SRRM3: variants seen among roughly 807,000 people sequenced by gnomAD.
SRRM3 encodes serine/arginine repetitive matrix protein 3.
In SRRM3, 27 loss-of-function variants were observed where a neutral mutation model predicts 66.2. That is an observed-to-expected ratio of 0.41 (90% CI 0.30 to 0.56). The LOEUF is 0.56. Among genes scored for constraint, SRRM3 ranks in the 20% least tolerant of loss-of-function variants. The probability of loss-of-function intolerance (pLI) is 0.32; values close to 1 mark genes in which losing one functional copy is unlikely to be tolerated. For synonymous variants in SRRM3, 391 were observed against 414.9 expected (o/e 0.94, Z 0.70); for missense variants, 918 against 991.9 (o/e 0.93, Z 1.00).
At chr7:76,220,897 C>G (rs567955449) in intron 1 of SRRM3, among the ~76,000 whole-genome samples, 4 of 152,086 alleles carry the variant, frequency 2.6e-5, no homozygotes, top group South Asian at 2.1e-4. Context: ...TTCCCCTCCC[C>G]CCACCGCGTC....
intron 3 of SRRM3, among the ~76,000 whole-genome samples, chr7:76,248,759 G>A (rs375494934): frequency 6.6e-6 from 1 of 152,118 alleles, no homozygotes; most frequent in Non-Finnish European, 1.5e-5. Context: ...CAGGCAGATC[G>A]CTTGAGGTCA....
chr7:76,270,815 GA>G (rs58931153), intron 11 of SRRM3, among the ~76,000 whole-genome samples: 24,999 of 135,540 alleles, frequency 0.18, 3,203 homozygotes, highest in African/African-American at 0.38. Context: ...CTCCGTCTCG[GA>G]AAAAAAAAAA....
At chr7:76,252,096 T>C (rs1449839354) in intron 3 of SRRM3, among the ~76,000 whole-genome samples, 1 of 151,792 alleles carries the variant, frequency 6.6e-6, no homozygotes, top group African/African-American at 2.4e-5. Context: ...ACAAAAATAA[T>C]TGAAAAAGAA....
intron 3 of SRRM3, among the ~76,000 whole-genome samples, chr7:76,250,533 C>T (rs1583908829): frequency 6.6e-6 from 1 of 152,198 alleles, no homozygotes; most frequent in South Asian, 2.1e-4. Flanking sequence ...CACACCCAGT[C>T]TTAGTCATCG....
intron 2 of SRRM3, among the ~76,000 whole-genome samples, chr7:76,241,281 TCCAC>T (rs1801289291): frequency 6.6e-6 from 1 of 152,174 alleles, no homozygotes; most frequent in South Asian, 2.1e-4. Flanking sequence ...CTCTGCCACC[TCCAC>T]AGGGAGCAAG....
intron 11 of SRRM3, among the ~76,000 whole-genome samples, chr7:76,281,192 C>G (rs1444392769): frequency 6.6e-6 from 1 of 151,140 alleles, no homozygotes; most frequent in African/African-American, 2.4e-5. Flanking sequence ...CTCTCTCCCT[C>G]TCTCCTGTCT....
chr7:76,267,671 G>A, intron 11 of SRRM3: 1 of 394,386 alleles, frequency 2.5e-6, no homozygotes, highest in Non-Finnish European at 4.4e-6. Flanking sequence ...TGCGGTCTTG[G>A]GCCACCCTTG....
intron 3 of SRRM3, among the ~76,000 whole-genome samples, chr7:76,248,904 C>T (rs546519025): frequency 1.1e-4 from 17 of 152,144 alleles, no homozygotes; most frequent in African/African-American, 1.9e-4. Context: ...CGCTTGAACC[C>T]GGAAGGCAGA....
At position 76,265,441 on chromosome 7, in the gene SRRM3, A is replaced by T. The variant is rs531761259; in HGVS notation, c.803A>T (p.His268Leu). 2.5e-6 allele frequency: 4 copies of T among 1,604,442 alleles called. No homozygotes were observed. In the Admixed American group the frequency reaches 5.1e-5, roughly 20 times the overall value. The stretch of plus-strand genomic sequence containing the variant: ...TCCCACAGCCCCTCCCTCTCCTCCC[A>T]CTACAGTGATTCCAGATCTCCCAGC... ...GSSHSPSLSSHYSDSRSPSRL... is the reference protein window; with the variant it reads ...GSSHSPSLSSLYSDSRSPSRL... Residue 268 changes from histidine (H) to leucine (L), a missense_variant, in exon 10 of 15, where the codon CAC becomes CTC. Physicochemically the swap from His to Leu is moderately conservative, Grantham distance 99 (BLOSUM62 -3). Transcript: ENST00000611745.
At position 76,267,500 on chromosome 7, in the gene SRRM3, G is replaced by C. The variant is rs540937785; in HGVS notation, c.1008+65G>C. On this transcript the variant is annotated intron_variant, in intron 11 of 14. Transcript: ENST00000611745. The stretch of plus-strand genomic sequence containing the variant: ...GGCTGCGCCGTGCGTGGTCGGGCGG[G>C]TCGCCAGCGGGGCAGGGGGCGATAA... 8.2e-6 allele frequency: 10 copies of C among 1,218,632 alleles called. No homozygotes were observed. In the South Asian group the frequency reaches 2.7e-4, roughly 33 times the overall value. 75.5% of individuals were successfully genotyped at this position (1,218,632 alleles called of 1,614,324 possible). A position where few individuals can be genotyped will look rare whatever the true frequency, so the allele number is the denominator to read the frequency against.
chr7:76,203,702 A>G (rs1424784172), intron 1 of SRRM3, among the ~76,000 whole-genome samples: 1 of 152,156 alleles, frequency 6.6e-6, no homozygotes, highest in African/African-American at 2.4e-5. Flanking sequence ...GGAAGGCATC[A>G]TTGTCCCTAT....
chr7:76,250,622 C>T (rs1801557321), intron 3 of SRRM3, among the ~76,000 whole-genome samples: 1 of 152,150 alleles, frequency 6.6e-6, no homozygotes, highest in African/African-American at 2.4e-5. Context: ...TTCTGTATTG[C>T]TGGGTAGTGA....
intron 1 of SRRM3, among the ~76,000 whole-genome samples, chr7:76,217,155 G>T (rs1438413185): frequency 2.0e-5 from 3 of 152,170 alleles, no homozygotes; most frequent in African/African-American, 7.2e-5. Context: ...ATCCAATTTT[G>T]ATTCTTGTTA....
intron 1 of SRRM3, among the ~76,000 whole-genome samples, chr7:76,210,023 A>G (rs1299791442): frequency 6.6e-6 from 1 of 152,212 alleles, no homozygotes; most frequent in Admixed American, 6.5e-5. Context: ...TAGGAGGCAG[A>G]GAGGGAAAGG....
chr7:76,276,741 A>T (rs1554611203), intron 11 of SRRM3, among the ~76,000 whole-genome samples: 1 of 152,172 alleles, frequency 6.6e-6, no homozygotes, highest in Non-Finnish European at 1.5e-5. Flanking sequence ...TGGCAGGCGC[A>T]TGGTGACCCC....
intron 10 of SRRM3, 45 bp downstream of exon 10, chr7:76,265,513 G>C (rs1554609418): frequency 6.0e-6 from 9 of 1,511,336 alleles, no homozygotes; most frequent in Non-Finnish European, 7.3e-6. Context: ...GGGGGATGAG[G>C]GTTGCAGATT....
At chr7:76,267,564 C>G in intron 11 of SRRM3, 129 bp downstream of exon 11, 1 of 742,084 alleles carries the variant, frequency 1.3e-6, no homozygotes, top group Admixed American at 4.5e-5. Context: ...GCCGCTTCCT[C>G]CCTCCTCGGC....
chr7:76,213,645 A>C (rs1800490248), intron 1 of SRRM3, among the ~76,000 whole-genome samples: 1 of 152,112 alleles, frequency 6.6e-6, no homozygotes, highest in Non-Finnish European at 1.5e-5. Flanking sequence ...GATGGGCTGA[A>C]GGATGGGAAT....
intron 1 of SRRM3, among the ~76,000 whole-genome samples, chr7:76,234,327 G>C (rs1183075987): frequency 1.3e-5 from 2 of 152,052 alleles, no homozygotes; most frequent in Non-Finnish European, 2.9e-5. Flanking sequence ...TGGCTGCCTG[G>C]AAAGCTAATG....
Sources: allele counts gnomAD v4.1 joint callset (sites outside exome capture counted in the v4.1 genomes callset), GRCh38; gene constraint gnomAD v4.1.1; transcripts MANE v1.5; gene names NCBI Gene and HGNC (gene_info 2026-07-23, HGNC 2026-07-21).